Variants in ADAMTSL3 observed in about 807,000 individuals in gnomAD.
The protein encoded by ADAMTSL3 is ADAMTS like 3, also known as ADAMTS-like protein 3.
Under a neutral mutation model 201.7 loss-of-function variants are expected in ADAMTSL3, and 128 were observed. That is an observed-to-expected ratio of 0.63 (90% confidence interval 0.55 to 0.73). ADAMTSL3 has a LOEUF of 0.73. ADAMTSL3 is among the 30% of genes least tolerant of loss of function. The probability of loss-of-function intolerance (pLI) is 0.00; values close to 1 mark genes in which losing one functional copy is unlikely to be tolerated. For synonymous variants in ADAMTSL3, 738 were observed against 748.4 expected (o/e 0.99, Z 0.23); for missense variants, 1,990 against 2,119.6 (o/e 0.94, Z 1.20).
chr15:83,849,314 A>T (rs1278809758), intron 7 of ADAMTSL3, among the ~76,000 whole-genome samples: 1 of 152,132 alleles, frequency 6.6e-6, no homozygotes, highest in African/African-American at 2.4e-5. Context: ...TTTTGTTGAG[A>T]CAAGGTCTCA....
intron 3 of ADAMTSL3, among the ~76,000 whole-genome samples, chr15:83,768,212 G>A (rs2062923364): frequency 1.3e-5 from 2 of 152,238 alleles, no homozygotes; most frequent in South Asian, 4.1e-4. Flanking sequence ...GCGTGGAGAT[G>A]CTGCCTGTAC....
intron 15 of ADAMTSL3, among the ~76,000 whole-genome samples, chr15:83,900,101 A>C (rs1004763671): frequency 2.0e-5 from 3 of 152,218 alleles, no homozygotes; most frequent in Admixed American, 6.5e-5. Flanking sequence ...AATCTCTATA[A>C]AATCAATTAA....
chr15:84,019,362 C>T (rs1166431029), intron 25 of ADAMTSL3, among the ~76,000 whole-genome samples: 3 of 151,970 alleles, frequency 2.0e-5, no homozygotes, highest in Non-Finnish European at 4.4e-5. Context: ...GTTAAGCGCA[C>T]ACCTACCCTC....
chr15:83,667,961 C>T (rs2061271626), intron 2 of ADAMTSL3, among the ~76,000 whole-genome samples: 1 of 152,060 alleles, frequency 6.6e-6, no homozygotes, highest in South Asian at 2.1e-4. Flanking sequence ...GAAGATAGGA[C>T]TCCAGAGAAA....
chr15:83,936,073 C>T (rs374440439), intron 17 of ADAMTSL3, among the ~76,000 whole-genome samples: 39 of 151,776 alleles, frequency 2.6e-4, no homozygotes, highest in Non-Finnish European at 4.7e-4. Context: ...GAATGATGAC[C>T]GAAGTATATT....
At chr15:84,007,236 T>A (rs2067911210) in intron 23 of ADAMTSL3, among the ~76,000 whole-genome samples, 1 of 152,198 alleles carries the variant, frequency 6.6e-6, no homozygotes, top group Non-Finnish European at 1.5e-5. Context: ...GTTTTTAGTC[T>A]AGACTCCCAT....
intron 3 of ADAMTSL3, among the ~76,000 whole-genome samples, chr15:83,717,076 A>G (rs1025873954): frequency 6.6e-6 from 1 of 152,190 alleles, no homozygotes; most frequent in African/African-American, 2.4e-5. Context: ...TAAAAACCTA[A>G]TTCTGAACAC....
chr15:83,748,047 T>A (rs1336704670), intron 3 of ADAMTSL3, among the ~76,000 whole-genome samples: 1 of 152,070 alleles, frequency 6.6e-6, no homozygotes, highest in African/African-American at 2.4e-5. Flanking sequence ...AGAAAACATT[T>A]CTTCTCCTTT....
intron 3 of ADAMTSL3, among the ~76,000 whole-genome samples, chr15:83,721,594 C>T (rs1458279926): frequency 3.3e-5 from 5 of 152,160 alleles, no homozygotes; most frequent in East Asian, 1.9e-4. Context: ...CAGTATATCA[C>T]GGAGCCTAGT....
intron 28 of ADAMTSL3, among the ~76,000 whole-genome samples, chr15:84,033,097 C>T (rs540066327): frequency 6.6e-6 from 1 of 151,836 alleles, no homozygotes; most frequent in South Asian, 2.1e-4. Flanking sequence ...TTGAACTCAT[C>T]TTCATTTTTT....
In ADAMTSL3 at chr15:83,656,463, T is replaced by G. The variant is rs189177871; in HGVS notation, c.69+633T>G. ...TCTATTAAGAGCAGTCTCTACTCAA[T>G]TCCATCTGATCGTTGCTAAGTGGAG... On this transcript the variant is annotated intron_variant, in intron 2 of 29. Transcript: ENST00000286744. Among the ~76,000 whole-genome samples the G allele has an allele frequency of 1.4e-3, 209 of 152,370 alleles. 2 individuals are homozygous for G. The highest frequency in any genetic ancestry group is 0.012 in the Admixed American group (187 of 15,312).
intron 3 of ADAMTSL3, among the ~76,000 whole-genome samples, chr15:83,770,841 G>A (rs1392402179): frequency 6.6e-6 from 1 of 152,096 alleles, no homozygotes; most frequent in Non-Finnish European, 1.5e-5. Flanking sequence ...AGGCTGAGGC[G>A]GGCGGATTAT....
At chr15:83,751,903 G>C (rs2062642465) in intron 3 of ADAMTSL3, among the ~76,000 whole-genome samples, 1 of 152,176 alleles carries the variant, frequency 6.6e-6, no homozygotes, top group South Asian at 2.1e-4. Flanking sequence ...ATAGATTGCT[G>C]TTTGACAAGG....
chr15:83,960,784 A>G (rs1225299107), intron 19 of ADAMTSL3, among the ~76,000 whole-genome samples: 7 of 152,246 alleles, frequency 4.6e-5, no homozygotes, highest in Non-Finnish European at 7.3e-5. Context: ...GTTGAAGACA[A>G]CAAATGGATG....
At chr15:83,797,955 T>C (rs1219857714) in intron 4 of ADAMTSL3, among the ~76,000 whole-genome samples, 1 of 152,172 alleles carries the variant, frequency 6.6e-6, no homozygotes, top group Non-Finnish European at 1.5e-5. Flanking sequence ...CATCAACATT[T>C]AGGAAAATTG....
chr15:83,839,274 G>A lies in ADAMTSL3; in HGVS notation c.727+1059G>A, dbSNP rs1176801971. On this transcript the variant is annotated intron_variant, in intron 7 of 29. Transcript: ENST00000286744. ...TTTCCCAAATGGGGAAAGCATTGCGGGAGGGGTGGAGGGTTTTTCAGGCAG... is the reference window on the plus strand; with the variant it reads ...TTTCCCAAATGGGGAAAGCATTGCGAGAGGGGTGGAGGGTTTTTCAGGCAG... Among the ~76,000 whole-genome samples the A allele has an allele frequency of 3.3e-5, 5 of 152,174 alleles. No homozygotes were observed. The East Asian group carries it at 9.6e-4, about 29-fold the overall frequency.
intron 15 of ADAMTSL3, among the ~76,000 whole-genome samples, chr15:83,906,273 C>A (rs976926853): frequency 4.6e-5 from 7 of 152,082 alleles, no homozygotes; most frequent in Non-Finnish European, 7.4e-5. Context: ...ACTTCCCCCC[C>A]AAAAAATTGC....
At chr15:83,872,083 C>T (rs2065091187) in intron 9 of ADAMTSL3, among the ~76,000 whole-genome samples, 1 of 152,090 alleles carries the variant, frequency 6.6e-6, no homozygotes. Context: ...CAAGCGTTGG[C>T]CTGCACAGTG....
intron 10 of ADAMTSL3, among the ~76,000 whole-genome samples, chr15:83,886,510 G>A (rs2065393987): frequency 6.6e-6 from 1 of 152,178 alleles, no homozygotes; most frequent in Admixed American, 6.5e-5. Context: ...AGGATCTGGT[G>A]CCAGGTCTGC....
Sources: gnomAD v4.1 joint callset for allele counts (sites outside exome capture counted in the v4.1 genomes callset) on GRCh38, gnomAD v4.1.1 for gene constraint, MANE v1.5 for transcripts, NCBI Gene and HGNC (gene_info 2026-07-23, HGNC 2026-07-21) for gene names.